The following TRAK1 variants were observed in gnomAD, a reference collection of about 807,000 sequenced individuals.
TRAK1 encodes the protein trafficking kinesin protein 1, also known as trafficking kinesin-binding protein 1.
A neutral mutation model predicts 92.1 loss-of-function variants in TRAK1; 33 were observed. That is an observed-to-expected ratio of 0.36 (90% CI 0.27 to 0.48). TRAK1 has a LOEUF of 0.48. TRAK1 is among the 20% of genes least tolerant of loss of function. The pLI, the probability that TRAK1 is intolerant of heterozygous loss-of-function variation, is 0.99. For missense variants in TRAK1, 1,123 were observed against 1,257.9 expected (o/e 0.89, Z 1.62); for synonymous variants, 521 against 517.3 (o/e 1.01, Z -0.10).
upstream of TRAK1, among the ~76,000 whole-genome samples, chr3:42,084,681 C>T (rs561307887): frequency 1.3e-3 from 202 of 152,340 alleles, no homozygotes; most frequent in African/African-American, 4.6e-3. Context: ...TCATCCTGCT[C>T]AGCCCTCTGC....
intron 4 of TRAK1, among the ~76,000 whole-genome samples, chr3:42,186,853 C>A (rs539320613): frequency 1.2e-4 from 18 of 152,150 alleles, no homozygotes; most frequent in Non-Finnish European, 2.2e-4. Context: ...CTTTTATGCA[C>A]GTAAAATTGT....
At chr3:42,191,818 G>A (rs997869121) in intron 7 of TRAK1, among the ~76,000 whole-genome samples, 182 bp downstream of exon 7, 10 of 149,896 alleles carry the variant, frequency 6.7e-5, no homozygotes, top group African/African-American at 2.5e-4. Context: ...GTGCTAAGTT[G>A]CCAGCTATGT....
chr3:42,189,093 T>G lies in TRAK1; in HGVS notation c.659T>G (p.Leu220Arg). 2.5e-6 allele frequency: 4 copies of G among 1,614,086 alleles called. No homozygotes were observed. Among genetic ancestry groups the G allele is most frequent in the Non-Finnish European group, 3.4e-6 (4 of 1,179,906 alleles). Residue 220 changes from leucine to arginine, a missense_variant, in exon 6 of 16, where the codon CTT (leucine) becomes CGT (arginine). By Grantham distance (102) the Leu-to-Arg change is moderately radical (BLOSUM62 -2). Coordinates refer to ENST00000327628, the MANE Select transcript of TRAK1 (RefSeq NM_001042646.3). ...LDSLQKKLKD[L>R]EEENVVLRSE... The stretch of plus-strand genomic sequence containing the variant: ...TCTCTTCAAAAGAAGCTGAAAGACC[T>G]TGAAGAGGAGAATGTTGTACTTCGA...
At chr3:42,196,539 C>CTTTTT (rs35807078) in intron 10 of TRAK1, among the ~76,000 whole-genome samples, 1 of 135,450 alleles carries the variant, frequency 7.4e-6, no homozygotes, top group Non-Finnish European at 1.6e-5. Flanking sequence ...TTCTCTTCTT[C>CTTTTT]TTTTTTTTTT....
At chr3:42,193,984 C>T (rs1384793539) in intron 9 of TRAK1, 86 bp downstream of exon 9, 14 of 1,145,948 alleles carry the variant, frequency 1.2e-5, no homozygotes, top group African/African-American at 3.1e-5. Context: ...TCACGTCCAT[C>T]GCAACTACTG....
At position 42,072,242 on chromosome 3, in the gene TRAK1, A is replaced by T. The variant is rs547088193; in HGVS notation, c.-518-14862A>T. Reference sequence around the variant, plus strand: ...GTCACCATTCCTACACTGGCCTGGGAGTGCTGTCTCTCTCGGGAGTCGCCA... The same window carrying T: ...GTCACCATTCCTACACTGGCCTGGGTGTGCTGTCTCTCTCGGGAGTCGCCA... On this transcript the variant is annotated intron_variant, in intron 1 of 16. Transcript: ENST00000487159. Among the ~76,000 whole-genome samples, 742 of 151,838 alleles carry T rather than the reference A, an allele frequency of 4.9e-3. 4 individuals carry two copies. The highest frequency in any genetic ancestry group is 0.014 in the Middle Eastern group (4 of 294).
intron 1 of TRAK1, among the ~76,000 whole-genome samples, chr3:42,102,648 C>T (rs971675398): frequency 9.2e-5 from 14 of 152,116 alleles, no homozygotes; most frequent in Non-Finnish European, 2.1e-4. Flanking sequence ...GGCTGTGTTC[C>T]CTATTTGTAT....
chr3:42,212,120 A>C (rs1198424418), intron 14 of TRAK1: 10 of 985,310 alleles, frequency 1.0e-5, no homozygotes, highest in Non-Finnish European at 1.2e-5. Context: ...GCATATCGCT[A>C]AGTAAATCAT....
intron 1 of TRAK1, among the ~76,000 whole-genome samples, chr3:42,025,710 CTT>C (rs1701888121): frequency 1.3e-5 from 2 of 152,250 alleles, no homozygotes; most frequent in African/African-American, 4.8e-5. Context: ...GACTGCTTCT[CTT>C]GCTGGCTGCC....
intron 1 of TRAK1, among the ~76,000 whole-genome samples, chr3:42,061,287 A>C (rs1443359673): frequency 2.1e-5 from 3 of 144,844 alleles, no homozygotes; most frequent in Non-Finnish European, 3.0e-5. Context: ...ACCCACCCAC[A>C]CACGCACCCC....
chr3:42,019,026 G>A (rs760679793), intron 1 of TRAK1, among the ~76,000 whole-genome samples: 4 of 152,100 alleles, frequency 2.6e-5, no homozygotes, highest in Non-Finnish European at 4.4e-5. Flanking sequence ...GGAGGCTGAG[G>A]AAGGAGAATG....
rs554340275 is a variant in TRAK1 at position 42,080,883 on chromosome 3, C to CT, written c.-518-6212dup. ...TTACATGTTTGACTATTAAACTACTCTTTTTTTTTGAGATAGGATCTCACT... is the reference window on the plus strand; with the variant it reads ...TTACATGTTTGACTATTAAACTACTCTTTTTTTTTTGAGATAGGATCTCACT... On this transcript the variant is annotated intron_variant, in intron 1 of 16. Transcript: ENST00000487159. Among the ~76,000 whole-genome samples, 22 of 151,360 alleles carry CT rather than the reference C, an allele frequency of 1.5e-4. No homozygotes were observed. The South Asian group carries it at 1.9e-3, about 13-fold the overall frequency.
upstream of TRAK1, among the ~76,000 whole-genome samples, chr3:42,084,342 G>T (rs1183582820): frequency 6.6e-6 from 1 of 152,114 alleles, no homozygotes; most frequent in Non-Finnish European, 1.5e-5. Flanking sequence ...GTGTGCACCT[G>T]TAATCCCAGC....
At position 42,202,064 on chromosome 3, in the gene TRAK1, T is replaced by C. The variant is rs533246128; in HGVS notation, c.1428-372T>C. On this transcript the variant is annotated intron_variant, in intron 12 of 15. Transcript: ENST00000327628. The surrounding 1 kb of genome is among the most constrained non-coding windows in gnomAD (Gnocchi z 6.1). ...AGAGTTGGGGTCTGGGCTCTTTTCCTTCAAGAGAAGAGAGAAACATGCCTT... is the reference window on the plus strand; with the variant it reads ...AGAGTTGGGGTCTGGGCTCTTTTCCCTCAAGAGAAGAGAGAAACATGCCTT... Among the ~76,000 whole-genome samples, 1 of 152,286 alleles carries C rather than the reference T, an allele frequency of 6.6e-6. No homozygotes were observed. The highest frequency in any genetic ancestry group is 1.5e-5 in the Non-Finnish European group (1 of 68,012).
chr3:42,110,964 G>A (rs72869909), intron 1 of TRAK1, among the ~76,000 whole-genome samples: 3,293 of 152,282 alleles, frequency 0.022, 124 homozygotes, highest in African/African-American at 0.075. Flanking sequence ...GTAGTCCAAT[G>A]ACAGAGACTG....
chr3:42,165,646 G>T (rs1701767729), intron 2 of TRAK1, among the ~76,000 whole-genome samples: 3 of 152,210 alleles, frequency 2.0e-5, no homozygotes, highest in Admixed American at 2.0e-4. Context: ...CTGGGCCTTT[G>T]TTAATGTAGT....
At chr3:42,189,181 T>C (rs1705320183) in intron 6 of TRAK1, 57 bp downstream of exon 6, 2 of 1,362,436 alleles carry the variant, frequency 1.5e-6, no homozygotes, top group South Asian at 1.2e-5. Context: ...CCATTCGCCT[T>C]ATCTGGCAAG....
At chr3:42,024,785 G>T (rs771876203) in intron 1 of TRAK1, among the ~76,000 whole-genome samples, 2 of 152,158 alleles carry the variant, frequency 1.3e-5, no homozygotes, top group Non-Finnish European at 2.9e-5. Context: ...TTGAAATGTG[G>T]CGTTCTTTGT....
At chr3:42,203,527 T>G in intron 13 of TRAK1, 1 of 980,226 alleles carries the variant, frequency 1.0e-6, no homozygotes, top group Non-Finnish European at 1.2e-6. Context: ...ATTTAGGCAC[T>G]TATAAAATGT....
Sources: gnomAD v4.1 joint callset for allele counts (sites outside exome capture counted in the v4.1 genomes callset) on GRCh38, gnomAD v4.1.1 for gene constraint, Gnocchi (gnomAD v3.1) non-coding constraint, MANE v1.5 for transcripts, NCBI Gene and HGNC (gene_info 2026-07-23, HGNC 2026-07-21) for gene names.